The following TANC2 variants were observed in gnomAD, a reference collection of about 807,000 sequenced individuals.
TANC2 encodes the protein protein TANC2.
A neutral mutation model predicts 210.5 loss-of-function variants in TANC2; 26 were observed. The ratio of observed to expected loss-of-function variants is 0.12; its 90% CI spans 0.09 to 0.17. The LOEUF is 0.17. TANC2 is among the 10% of genes least tolerant of loss of function. The pLI is 1.00. For missense variants in TANC2, 2,129 were observed against 2,608.9 expected, an observed-to-expected ratio of 0.82 and a Z score of 4.01; for synonymous variants, 931 against 967.1, an observed-to-expected ratio of 0.96 and a Z score of 0.69.
intron 9 of TANC2, among the ~76,000 whole-genome samples, chr17:63,302,286 A>G (rs184582431): frequency 1.4e-4 from 21 of 152,122 alleles, no homozygotes; most frequent in Non-Finnish European, 5.9e-5. Flanking sequence ...GTAGATGTCT[A>G]TCACGTCCAC....
At chr17:63,310,425 G>A (rs1354947114) in intron 9 of TANC2, among the ~76,000 whole-genome samples, 1 of 152,066 alleles carries the variant, frequency 6.6e-6, no homozygotes, top group Non-Finnish European at 1.5e-5. Flanking sequence ...CCAGCCAGGG[G>A]CGACAAAGCA....
chr17:63,124,983 G>C (rs2038651727), intron 4 of TANC2: 1 of 152,182 alleles, frequency 6.6e-6, no homozygotes, highest in Non-Finnish European at 1.5e-5. Context: ...GGGGACCACT[G>C]ATACATAGGA....
At chr17:63,247,586 A>AT (rs1016329471) in intron 8 of TANC2, among the ~76,000 whole-genome samples, 2 of 151,588 alleles carry the variant, frequency 1.3e-5, no homozygotes, top group Non-Finnish European at 1.5e-5. Context: ...ATTGTGAATG[A>AT]TTTTTTTATT....
chr17:63,294,320 T>C (rs934898027), intron 9 of TANC2, among the ~76,000 whole-genome samples: 2 of 151,944 alleles, frequency 1.3e-5, no homozygotes, highest in African/African-American at 4.8e-5. Context: ...TACAAAGAAA[T>C]ACAAAAATTA....
exon 21 of TANC2, chr17:63,406,265 C>G (rs774182442): frequency 6.2e-7 from 1 of 1,613,828 alleles, no homozygotes. Context: ...CGTGGACTTT[C>G]TGCTTGCACA....
chr17:63,381,207 C>G (rs554533421), intron 15 of TANC2: 2 of 152,270 alleles, frequency 1.3e-5, no homozygotes, highest in South Asian at 4.1e-4. Context: ...GTATTTTATC[C>G]CATACATGGA....
intron 6 of TANC2, among the ~76,000 whole-genome samples, chr17:63,195,387 A>G (rs1489457625): frequency 6.6e-6 from 1 of 152,216 alleles, no homozygotes; most frequent in Non-Finnish European, 1.5e-5. Flanking sequence ...GGACAAAAGC[A>G]TTGGAGCCAT....
chr17:63,345,797 A>T (rs1255881426), intron 12 of TANC2, among the ~76,000 whole-genome samples: 1 of 152,218 alleles, frequency 6.6e-6, no homozygotes, highest in Non-Finnish European at 1.5e-5. Flanking sequence ...CATGACAGTG[A>T]TATGCTAGTA....
chr17:63,141,726 T>A, intron 4 of TANC2, among the ~76,000 whole-genome samples: 1 of 152,106 alleles, frequency 6.6e-6, no homozygotes, highest in Non-Finnish European at 1.5e-5. Context: ...CCCAACAGAA[T>A]GATCCCATTT....
At chr17:63,057,471 G>T (rs2035847977) in intron 2 of TANC2, among the ~76,000 whole-genome samples, 1 of 152,032 alleles carries the variant, frequency 6.6e-6, no homozygotes. Flanking sequence ...CGTGCAGGTT[G>T]ATTTATAGGT....
chr17:63,216,431 A>G (rs907095432), intron 7 of TANC2, among the ~76,000 whole-genome samples: 1 of 152,146 alleles, frequency 6.6e-6, no homozygotes, highest in African/African-American at 2.4e-5. Context: ...TAAAACAGTA[A>G]TAGTAAGTAA....
intron 4 of TANC2, among the ~76,000 whole-genome samples, chr17:63,103,268 C>T (rs2037698855): frequency 1.3e-5 from 2 of 152,144 alleles, no homozygotes; most frequent in Non-Finnish European, 2.9e-5. Context: ...TCTTAGTCTT[C>T]CATGCCGGTG....
intron 1 of TANC2, among the ~76,000 whole-genome samples, chr17:62,991,345 A>C (rs1286712319): frequency 6.6e-6 from 1 of 152,132 alleles, no homozygotes; most frequent in Non-Finnish European, 1.5e-5. Context: ...AAGTATTAAA[A>C]CTAAGTAGAT....
At chr17:63,076,294 C>T (rs1461508195) in intron 3 of TANC2, among the ~76,000 whole-genome samples, 3 of 152,114 alleles carry the variant, frequency 2.0e-5, no homozygotes, top group Non-Finnish European at 4.4e-5. Context: ...GGGCAGAAGT[C>T]CCATGCTAAA....
chr17:63,111,469 A>G (rs977647931), intron 4 of TANC2, among the ~76,000 whole-genome samples: 16 of 152,196 alleles, frequency 1.1e-4, no homozygotes, highest in Non-Finnish European at 1.8e-4. Context: ...TTCTAAAAAC[A>G]TCCCAGCAAT....
At chr17:63,249,017 A>C (rs999069335) in intron 8 of TANC2, among the ~76,000 whole-genome samples, 1 of 152,208 alleles carries the variant, frequency 6.6e-6, no homozygotes, top group Admixed American at 6.5e-5. Context: ...ATTCAGCTGC[A>C]TACTTTTAAA....
chr17:63,348,653 G>A (rs1311432890), intron 12 of TANC2, among the ~76,000 whole-genome samples: 7 of 152,156 alleles, frequency 4.6e-5, no homozygotes, highest in African/African-American at 1.4e-4. Context: ...TATGGTGATC[G>A]TGGATGGTAA....
chr17:63,146,445 A>C (rs1366577213), intron 4 of TANC2, among the ~76,000 whole-genome samples: 1 of 152,224 alleles, frequency 6.6e-6, no homozygotes, highest in African/African-American at 2.4e-5. Flanking sequence ...ATTAATGTTT[A>C]TTAAGTTATC....
chr17:63,201,492 T>A (rs2041532462), intron 7 of TANC2, among the ~76,000 whole-genome samples: 1 of 152,170 alleles, frequency 6.6e-6, no homozygotes, highest in Non-Finnish European at 1.5e-5. Context: ...GGTATTTCTT[T>A]GCTTATGATT....
Sources: allele counts gnomAD v4.1 joint callset (sites outside exome capture counted in the v4.1 genomes callset), GRCh38; gene constraint gnomAD v4.1.1; transcripts MANE v1.5; gene names NCBI Gene and HGNC (gene_info 2026-07-23, HGNC 2026-07-21).